The following NAALADL2 variants were observed in gnomAD, a reference collection of about 807,000 sequenced individuals.
The protein encoded by NAALADL2 is inactive N-acetylated-alpha-linked acidic dipeptidase-like protein 2.
A neutral mutation model predicts 87.2 loss-of-function variants in NAALADL2; 76 were observed. That is an observed-to-expected ratio of 0.87 (90% CI 0.72 to 1.05). The LOEUF (loss-of-function observed/expected upper bound fraction) is 1.05. Ranked by LOEUF, NAALADL2 falls within the 50% of genes least tolerant of loss-of-function variation. The probability of loss-of-function intolerance (pLI) is 0.00; values close to 1 mark genes in which losing one functional copy is unlikely to be tolerated. For synonymous variants in NAALADL2, 354 were observed against 331.0 expected (o/e 1.07, Z -0.75); for missense variants, 1,089 against 945.8 (o/e 1.15, Z -1.99).
At chr3:174,914,631 T>G (rs920001907) in intron 1 of NAALADL2, among the ~76,000 whole-genome samples, 1 of 152,162 alleles carries the variant, frequency 6.6e-6, no homozygotes, top group African/African-American at 2.4e-5. Context: ...AGGTAGTAAA[T>G]AAATGTACAT....
chr3:175,206,236 A>G (rs1326404870), intron 2 of NAALADL2, among the ~76,000 whole-genome samples: 6 of 118,600 alleles, frequency 5.1e-5, no homozygotes, highest in Admixed American at 4.9e-4. Flanking sequence ...GATACTGTGG[A>G]TAAAAAACTA....
intron 1 of NAALADL2, among the ~76,000 whole-genome samples, chr3:175,013,175 T>C: frequency 7.7e-6 from 1 of 129,380 alleles, no homozygotes; most frequent in Admixed American, 8.5e-5. Flanking sequence ...ATGTAATACA[T>C]ATTTATATAT....
At chr3:174,618,802 G>A (rs1720728177) in intron 2 of NAALADL2, among the ~76,000 whole-genome samples, 1 of 151,736 alleles carries the variant, frequency 6.6e-6, no homozygotes, top group African/African-American at 2.4e-5. Flanking sequence ...TTTTATAAGT[G>A]TTATTTTGGT....
chr3:175,260,217 A>G (rs1458383839), intron 4 of NAALADL2, among the ~76,000 whole-genome samples: 1 of 152,160 alleles, frequency 6.6e-6, no homozygotes, highest in Non-Finnish European at 1.5e-5. Context: ...AAAGATCCTG[A>G]TATCATTTTC....
At chr3:174,839,810 C>T (rs1277862693) in intron 3 of NAALADL2, among the ~76,000 whole-genome samples, 1 of 151,512 alleles carries the variant, frequency 6.6e-6, no homozygotes, top group Non-Finnish European at 1.5e-5. Flanking sequence ...CACCTTACTC[C>T]TGAACGAATG....
intron 4 of NAALADL2, among the ~76,000 whole-genome samples, chr3:175,303,780 T>A (rs1757365085): frequency 6.6e-6 from 1 of 152,188 alleles, no homozygotes; most frequent in Admixed American, 6.5e-5. Flanking sequence ...CAGCAGTTTC[T>A]GTGAAAAAAA....
At chr3:175,423,390 A>G (rs546101015) in intron 5 of NAALADL2, among the ~76,000 whole-genome samples, 29 of 149,798 alleles carry the variant, frequency 1.9e-4, no homozygotes, top group East Asian at 4.0e-4. Flanking sequence ...AACATTAGGT[A>G]TATCTCCTAA....
chr3:175,487,989 A>G (rs911028868), intron 9 of NAALADL2, among the ~76,000 whole-genome samples: 7 of 152,218 alleles, frequency 4.6e-5, no homozygotes, highest in Admixed American at 4.6e-4. Flanking sequence ...CAAAGCAAAC[A>G]CTACTGAAAT....
intron 9 of NAALADL2, among the ~76,000 whole-genome samples, chr3:175,489,082 A>G (rs2149339418): frequency 6.6e-6 from 1 of 152,288 alleles, no homozygotes; most frequent in Admixed American, 6.5e-5. Flanking sequence ...TATCAAAGTG[A>G]TTGCTTTTGT....
At chr3:174,544,874 T>TTTTA (rs957052998) in intron 1 of NAALADL2, among the ~76,000 whole-genome samples, 5 of 151,602 alleles carry the variant, frequency 3.3e-5, no homozygotes, top group African/African-American at 1.2e-4. Flanking sequence ...TAGCCTCAAT[T>TTTTA]TTTATTTATT....
chr3:175,579,347 G>T (rs150358015), intron 10 of NAALADL2, among the ~76,000 whole-genome samples: 16 of 152,118 alleles, frequency 1.1e-4, no homozygotes, highest in African/African-American at 2.9e-4. Flanking sequence ...CAATTTTTAT[G>T]GACATGTCAA....
At chr3:174,751,194 T>G (rs1302851179) in intron 3 of NAALADL2, among the ~76,000 whole-genome samples, 2 of 152,138 alleles carry the variant, frequency 1.3e-5, no homozygotes, top group African/African-American at 4.8e-5. Flanking sequence ...CAGCAAATTT[T>G]GGGCCAATCC....
intron 1 of NAALADL2, among the ~76,000 whole-genome samples, chr3:174,475,316 A>G (rs958811692): frequency 1.3e-5 from 2 of 151,990 alleles, no homozygotes; most frequent in African/African-American, 2.4e-5. Context: ...AGAAAAAACT[A>G]TTTGTAGAAA....
intron 1 of NAALADL2, among the ~76,000 whole-genome samples, chr3:174,524,850 T>C (rs1482442396): frequency 2.0e-5 from 3 of 152,202 alleles, no homozygotes; most frequent in African/African-American, 7.2e-5. Flanking sequence ...TATAAGATTA[T>C]AATAGAACTA....
intron 2 of NAALADL2, among the ~76,000 whole-genome samples, chr3:175,205,732 A>T (rs765102357): frequency 6.6e-6 from 1 of 151,876 alleles, no homozygotes. Context: ...TCTATAACAA[A>T]CTCAAAAAAA....
intron 11 of NAALADL2, among the ~76,000 whole-genome samples, chr3:175,719,913 G>T (rs942123919): frequency 2.0e-5 from 3 of 152,166 alleles, no homozygotes; most frequent in Non-Finnish European, 4.4e-5. Context: ...TGTGATAGAA[G>T]AAGCTAACTT....
intron 1 of NAALADL2, among the ~76,000 whole-genome samples, chr3:174,506,159 A>G (rs556365629): frequency 2.8e-4 from 42 of 151,222 alleles, no homozygotes; most frequent in African/African-American, 9.0e-4. Flanking sequence ...ACATCTTTCT[A>G]TGTCAATAAT....
chr3:175,313,948 G>A (rs949409643), intron 4 of NAALADL2, among the ~76,000 whole-genome samples: 1 of 151,728 alleles, frequency 6.6e-6, no homozygotes, highest in African/African-American at 2.4e-5. Flanking sequence ...TGTAGTCCCA[G>A]CTACTCAGGA....
At chr3:175,729,384 G>C (rs1743366243) in intron 11 of NAALADL2, among the ~76,000 whole-genome samples, 1 of 152,116 alleles carries the variant, frequency 6.6e-6, no homozygotes, top group Non-Finnish European at 1.5e-5. Context: ...AATGGCCTGA[G>C]AAGGACTCTG....
Sources: gnomAD v4.1 joint callset for allele counts (sites outside exome capture counted in the v4.1 genomes callset) on GRCh38, gnomAD v4.1.1 for gene constraint, MANE v1.5 for transcripts, NCBI Gene and HGNC (gene_info 2026-07-23, HGNC 2026-07-21) for gene names.